RGS6: variants seen among roughly 807,000 people sequenced by gnomAD.
RGS6 encodes regulator of G protein signaling 6, also known as regulator of G-protein signaling 6.
A neutral mutation model predicts 78.5 loss-of-function variants in RGS6; 30 were observed. The observed-to-expected ratio is 0.38, with a 90% CI of 0.29 to 0.52. The LOEUF is 0.52. Among genes scored for constraint, RGS6 ranks in the 20% least tolerant of loss-of-function variants. The probability of loss-of-function intolerance (pLI) is 0.85; values close to 1 mark genes in which losing one functional copy is unlikely to be tolerated. For missense variants in RGS6, 495 were observed against 609.7 expected (o/e 0.81, Z 1.98); for synonymous variants, 206 against 206.0 (o/e 1.00, Z 0.00).
At chr14:71,959,899 C>T (rs1009828988) in intron 1 of RGS6, among the ~76,000 whole-genome samples, 2 of 152,114 alleles carry the variant, frequency 1.3e-5, no homozygotes, top group South Asian at 2.1e-4. Flanking sequence ...GAGCTGGAAA[C>T]GTAGGGTGGG....
intron 2 of RGS6, among the ~76,000 whole-genome samples, chr14:72,083,621 A>G (rs1367028336): frequency 2.0e-5 from 3 of 152,218 alleles, no homozygotes; most frequent in Admixed American, 1.3e-4. Context: ...CTGCTCAGAA[A>G]GGGAAGCTCG....
intron 2 of RGS6, among the ~76,000 whole-genome samples, chr14:72,156,875 T>C (rs920544704): frequency 3.9e-5 from 6 of 152,164 alleles, no homozygotes; most frequent in Non-Finnish European, 8.8e-5. Flanking sequence ...TTCTCCCGGC[T>C]TAAGTCTGGC....
chr14:72,576,190 C>T, the RGS6 span, among the ~76,000 whole-genome samples: 1 of 152,212 alleles, frequency 6.6e-6, no homozygotes, highest in Non-Finnish European at 1.5e-5. Flanking sequence ...ATTTTATTCT[C>T]CCAGTTTTTC....
chr14:72,089,073 A>G (rs1391014445), intron 2 of RGS6, among the ~76,000 whole-genome samples: 1 of 152,202 alleles, frequency 6.6e-6, no homozygotes, highest in Non-Finnish European at 1.5e-5. Flanking sequence ...AAATTATTCT[A>G]TTCACTTGTG....
chr14:72,110,324 C>T (rs2095728182), intron 2 of RGS6, among the ~76,000 whole-genome samples: 1 of 152,192 alleles, frequency 6.6e-6, no homozygotes, highest in African/African-American at 2.4e-5. Flanking sequence ...GAAACAGACA[C>T]TTTCTTCTTT....
At chr14:72,578,964 C>G in the RGS6 span, among the ~76,000 whole-genome samples, 196 of 152,202 alleles carry the variant, frequency 1.3e-3, 1 homozygote, top group African/African-American at 4.4e-3. Context: ...AGAATGGGAC[C>G]CAAGATGAGA....
In RGS6 at chr14:72,075,817, C is replaced by T. The variant is rs144543275; in HGVS notation, c.84+110942C>T. 5.3e-4 allele frequency among the ~76,000 whole-genome samples: 81 copies of T among 152,284 alleles called. No individual in the cohort carries two copies. In the South Asian group the frequency reaches 0.013, roughly 25 times the overall value. ...CCTGGTACCTTACGTGACCTCCGGACGGCAGTGTCAGTGTTGGAAATGGCA... is the reference window on the plus strand; with the variant it reads ...CCTGGTACCTTACGTGACCTCCGGATGGCAGTGTCAGTGTTGGAAATGGCA... On this transcript the variant is annotated intron_variant, in intron 2 of 17. Transcript: ENST00000553525.
intron 2 of RGS6, among the ~76,000 whole-genome samples, chr14:72,345,067 C>G (rs2077759322): frequency 6.6e-6 from 1 of 152,196 alleles, no homozygotes; most frequent in Non-Finnish European, 1.5e-5. Context: ...TGACCCTGCT[C>G]TGGCCTGAGA....
At chr14:72,265,050 A>C (rs1018806582) in intron 2 of RGS6, among the ~76,000 whole-genome samples, 1 of 152,186 alleles carries the variant, frequency 6.6e-6, no homozygotes, top group African/African-American at 2.4e-5. Flanking sequence ...GCTGTTATCA[A>C]TGTGGGAGAA....
intron 2 of RGS6, among the ~76,000 whole-genome samples, chr14:72,338,696 G>T (rs1229061968): frequency 6.6e-6 from 1 of 152,224 alleles, no homozygotes; most frequent in African/African-American, 2.4e-5. Context: ...CTTGTTATGT[G>T]AGAAGTGACG....
At chr14:72,052,350 A>G (rs2093299277) in intron 2 of RGS6, among the ~76,000 whole-genome samples, 1 of 152,248 alleles carries the variant, frequency 6.6e-6, no homozygotes, top group South Asian at 2.1e-4. Flanking sequence ...TAGAATGAAC[A>G]TAAGTGGTAG....
intron 2 of RGS6, among the ~76,000 whole-genome samples, chr14:72,241,691 A>G (rs1367455420): frequency 2.6e-5 from 4 of 152,254 alleles, no homozygotes; most frequent in Non-Finnish European, 5.9e-5. Flanking sequence ...TAATAGATAT[A>G]TGATATGTTG....
chr14:72,525,236 G>A (rs1420280670), intron 15 of RGS6, among the ~76,000 whole-genome samples: 1 of 152,220 alleles, frequency 6.6e-6, no homozygotes, highest in Non-Finnish European at 1.5e-5. Context: ...AGTACACCTA[G>A]TAGATAGTCA....
chr14:72,121,687 A>C (rs927895672), intron 2 of RGS6, among the ~76,000 whole-genome samples: 3 of 152,104 alleles, frequency 2.0e-5, no homozygotes, highest in Non-Finnish European at 1.5e-5. Flanking sequence ...TATCTTGCTC[A>C]TTTAACCTCT....
chr14:71,936,347 C>T (rs766360375), intron 1 of RGS6, among the ~76,000 whole-genome samples: 9 of 151,958 alleles, frequency 5.9e-5, no homozygotes, highest in Non-Finnish European at 1.0e-4. Flanking sequence ...CCTTTATATT[C>T]GCTGGAAGCT....
At chr14:72,455,632 T>G (rs1771276210) in intron 4 of RGS6, among the ~76,000 whole-genome samples, 1 of 152,224 alleles carries the variant, frequency 6.6e-6, no homozygotes, top group African/African-American at 2.4e-5. Context: ...TAGTGGCTAC[T>G]CTCACAACTA....
chr14:72,500,177 A>G (rs574703879), intron 13 of RGS6, among the ~76,000 whole-genome samples: 10 of 152,234 alleles, frequency 6.6e-5, no homozygotes, highest in Non-Finnish European at 1.5e-4. Context: ...AGGAGGTGCT[A>G]CCTGCCCCCT....
intron 2 of RGS6, among the ~76,000 whole-genome samples, chr14:72,010,224 TATAAG>T (rs943899978): frequency 1.4e-4 from 21 of 152,220 alleles, no homozygotes; most frequent in Admixed American, 3.9e-4. Flanking sequence ...TTCAGGGCCT[TATAAG>T]ATATTAATAT....
intron 2 of RGS6, among the ~76,000 whole-genome samples, chr14:71,970,849 T>C (rs1361740223): frequency 1.3e-5 from 2 of 152,024 alleles, no homozygotes; most frequent in African/African-American, 4.8e-5. Flanking sequence ...GGTCATGTAG[T>C]CCATCCCAGG....
Sources: gnomAD v4.1 joint callset for allele counts (sites outside exome capture counted in the v4.1 genomes callset) on GRCh38, gnomAD v4.1.1 for gene constraint, MANE v1.5 for transcripts, NCBI Gene and HGNC (gene_info 2026-07-23, HGNC 2026-07-21) for gene names.